The following SEMA5A variants were observed in gnomAD, a reference collection of about 807,000 sequenced individuals.
SEMA5A encodes the protein semaphorin 5A.
Under a neutral mutation model 135.5 loss-of-function variants are expected in SEMA5A, and 55 were observed. That is an observed-to-expected ratio of 0.41 (90% confidence interval 0.33 to 0.51). SEMA5A has a LOEUF of 0.51. SEMA5A is among the 20% of genes least tolerant of loss of function. The pLI, the probability that SEMA5A is intolerant of heterozygous loss-of-function variation, is 0.37. For missense variants in SEMA5A, 1,290 were observed against 1,419.9 expected, an observed-to-expected ratio of 0.91 and a Z score of 1.47; for synonymous variants, 580 against 546.5, an observed-to-expected ratio of 1.06 and a Z score of -0.85.
intron 5 of SEMA5A, among the ~76,000 whole-genome samples, chr5:9,307,487 CT>C (rs552062653): frequency 0.022 from 3,136 of 144,642 alleles, 101 homozygotes; most frequent in African/African-American, 0.072. Flanking sequence ...GCCAATGTGA[CT>C]TTTTTTTTTT....
chr5:9,471,784 G>A (rs551458894), intron 1 of SEMA5A, among the ~76,000 whole-genome samples: 4 of 152,244 alleles, frequency 2.6e-5, no homozygotes, highest in East Asian at 1.9e-4. Flanking sequence ...CTAGCTAAAC[G>A]ATACAGCTAA....
intron 18 of SEMA5A, among the ~76,000 whole-genome samples, chr5:9,056,268 C>G (rs1041762609): frequency 7.2e-5 from 11 of 152,184 alleles, no homozygotes; most frequent in African/African-American, 2.7e-4. Flanking sequence ...ATCAAAACCA[C>G]AGTGATGTAT....
intron 2 of SEMA5A, among the ~76,000 whole-genome samples, chr5:9,384,661 T>TACATAGATAGATAGATAGATAG (rs1214516553): frequency 1.5e-5 from 1 of 66,484 alleles, no homozygotes; most frequent in Non-Finnish European, 3.4e-5. Flanking sequence ...GATAGATAGA[T>TACATAGATAGATAGATAGATAG]ATAGATAGAT....
At chr5:9,070,202 C>A (rs1737699457) in intron 16 of SEMA5A, among the ~76,000 whole-genome samples, 1 of 152,138 alleles carries the variant, frequency 6.6e-6, no homozygotes, top group Non-Finnish European at 1.5e-5. Context: ...GAAACCCTGT[C>A]TCTACTAAAA....
At chr5:9,444,533 T>C (rs1490581733) in intron 1 of SEMA5A, among the ~76,000 whole-genome samples, 1 of 152,252 alleles carries the variant, frequency 6.6e-6, no homozygotes, top group East Asian at 1.9e-4. Context: ...TTCCTTTTTA[T>C]GGCTGAGTAG....
chr5:9,367,949 G>A (rs372403111), intron 3 of SEMA5A, among the ~76,000 whole-genome samples: 165 of 152,332 alleles, frequency 1.1e-3, no homozygotes, highest in African/African-American at 3.8e-3. Flanking sequence ...CTTCTGCCAT[G>A]AGTAAAAGCT....
At chr5:9,449,277 T>G (rs1165785955) in intron 1 of SEMA5A, among the ~76,000 whole-genome samples, 1 of 152,154 alleles carries the variant, frequency 6.6e-6, no homozygotes, top group Non-Finnish European at 1.5e-5. Context: ...GGGACATGGA[T>G]GAGGTTGGAA....
At chr5:9,188,564 C>T (rs140378323) in intron 11 of SEMA5A, among the ~76,000 whole-genome samples, 1,657 of 152,186 alleles carry the variant, frequency 0.011, 18 homozygotes, top group Middle Eastern at 0.017. Context: ...CAAAATCCCT[C>T]CCACTCCCAA....
At chr5:9,155,467 A>C (rs1264188359) in intron 11 of SEMA5A, among the ~76,000 whole-genome samples, 1 of 150,982 alleles carries the variant, frequency 6.6e-6, no homozygotes, top group Non-Finnish European at 1.5e-5. Context: ...GTTGAAACGA[A>C]CATTGCTCTC....
At chr5:9,146,642 G>A (rs757371212) in intron 12 of SEMA5A, among the ~76,000 whole-genome samples, 12 of 152,102 alleles carry the variant, frequency 7.9e-5, no homozygotes, top group Non-Finnish European at 1.5e-4. Flanking sequence ...AAGGTCCTTC[G>A]GTTCAGTTCC....
intron 1 of SEMA5A, among the ~76,000 whole-genome samples, chr5:9,500,257 G>A (rs1735522428): frequency 1.3e-5 from 2 of 152,292 alleles, no homozygotes; most frequent in Admixed American, 6.5e-5. Context: ...TGCAGCGCAT[G>A]GCTTGAACTT....
At chr5:9,414,399 A>T (rs1490095924) in intron 2 of SEMA5A, among the ~76,000 whole-genome samples, 4 of 152,216 alleles carry the variant, frequency 2.6e-5, no homozygotes. Context: ...ATGAGCATAA[A>T]ATAAAAAGAT....
At chr5:9,380,662 T>G (rs569225406) in intron 2 of SEMA5A, among the ~76,000 whole-genome samples, 7 of 152,178 alleles carry the variant, frequency 4.6e-5, no homozygotes, top group Non-Finnish European at 1.0e-4. Flanking sequence ...GAGCACCTAC[T>G]GGGTGAAATA....
chr5:9,329,088 C>G (rs963582745), intron 4 of SEMA5A, among the ~76,000 whole-genome samples: 1 of 152,204 alleles, frequency 6.6e-6, no homozygotes, highest in African/African-American at 2.4e-5. Flanking sequence ...CCAGATTCCT[C>G]AAGCATCTCT....
intron 5 of SEMA5A, among the ~76,000 whole-genome samples, chr5:9,251,733 TA>T (rs1411804987): frequency 1.3e-5 from 2 of 152,088 alleles, no homozygotes; most frequent in Non-Finnish European, 2.9e-5. Context: ...TACAACAGCC[TA>T]AAAGAGCTGC....
At chr5:9,067,753 G>A (rs1017078048) in intron 16 of SEMA5A, among the ~76,000 whole-genome samples, 3 of 152,056 alleles carry the variant, frequency 2.0e-5, no homozygotes, top group African/African-American at 7.2e-5. Flanking sequence ...TTCATTTCAT[G>A]CTCTCCCTCC....
chr5:9,259,829 A>G (rs1749304984), intron 5 of SEMA5A, among the ~76,000 whole-genome samples: 1 of 71,584 alleles, frequency 1.4e-5, no homozygotes, highest in Non-Finnish European at 2.7e-5. Context: ...CACAATTAAA[A>G]GAACTAGAAA....
intron 16 of SEMA5A, among the ~76,000 whole-genome samples, chr5:9,086,619 A>G (rs1475374889): frequency 6.6e-6 from 1 of 152,210 alleles, no homozygotes; most frequent in East Asian, 1.9e-4. Context: ...TTGGGTATGT[A>G]TTTATCAACA....
chr5:9,443,047 T>C (rs1280608103), intron 1 of SEMA5A, among the ~76,000 whole-genome samples: 1 of 152,194 alleles, frequency 6.6e-6, no homozygotes, highest in Non-Finnish European at 1.5e-5. Flanking sequence ...TGAAACGCCA[T>C]TCACTCTGGT....
Sources: gnomAD v4.1 joint callset for allele counts (sites outside exome capture counted in the v4.1 genomes callset) on GRCh38, gnomAD v4.1.1 for gene constraint, MANE v1.5 for transcripts, NCBI Gene and HGNC (gene_info 2026-07-23, HGNC 2026-07-21) for gene names.